The following MIOS variants were observed in gnomAD, a reference collection of about 807,000 sequenced individuals.
MIOS encodes meiosis regulator for oocyte development.
A neutral mutation model predicts 96.9 loss-of-function variants in MIOS; 52 were observed. The ratio of observed to expected loss-of-function variants is 0.54; its 90% CI spans 0.43 to 0.68. MIOS has a LOEUF of 0.68. Among genes scored for constraint, MIOS ranks in the 30% least tolerant of loss-of-function variants. The probability of loss-of-function intolerance (pLI) is 0.00; values close to 1 mark genes in which losing one functional copy is unlikely to be tolerated. For missense variants in MIOS, 1,005 were observed against 1,052.8 expected (o/e 0.95, Z 0.63); for synonymous variants, 397 against 359.5 (o/e 1.10, Z -1.18).
chr7:7,583,987 C>T (rs1783808944), intron 6 of MIOS, among the ~76,000 whole-genome samples: 1 of 151,970 alleles, frequency 6.6e-6, no homozygotes, highest in Non-Finnish European at 1.5e-5. Context: ...AATACAAAAC[C>T]TCAGGGGTTT....
In MIOS at chr7:7,585,794, G is replaced by A. The variant is rs759189810; in HGVS notation, c.1807G>A (p.Asp603Asn). The A allele has an allele frequency of 2.1e-5, 34 of 1,605,076 alleles. No individual in the cohort carries two copies. Among genetic ancestry groups the A allele is most frequent in the Non-Finnish European group, 2.6e-5 (31 of 1,176,406 alleles). Residue 603 changes from aspartate to asparagine, a missense_variant, in exon 7 of 13, where the codon GAT (aspartate) becomes AAT (asparagine). Around this residue, in one of 3 missense-constraint regions of MIOS, gnomAD observed 865 missense variants for 887.9 expected, o/e 0.97. Transcript: ENST00000340080. Reference protein sequence around the residue: ...AFLTSETGSYDGVLYENKVAV... With the variant: ...AFLTSETGSYNGVLYENKVAV... ...TCTGACAAGTGAAACAGGATCTTAC[G>A]ATGGAGTTTTGGTAAGCTAACTTGT...
chr7:7,576,448 G>T (rs376792328), intron 5 of MIOS, among the ~76,000 whole-genome samples: 38 of 152,288 alleles, frequency 2.5e-4, no homozygotes, highest in African/African-American at 7.9e-4. Context: ...TCCTAATCTG[G>T]TTGCAGGGAT....
In MIOS at chr7:7,606,111, G is replaced by C. The variant is rs762787469; in HGVS notation, c.2531+40G>C. 7.5e-6 allele frequency: 12 copies of C among 1,608,948 alleles called. No individual in the cohort carries two copies. The Admixed American group carries it at 1.8e-4, about 25-fold the overall frequency. ...TCTTCTTTGATAGGCTTGGAGTTAT[G>C]GGGGATAACACAGATTGCTTCTAAA... On this transcript the variant is annotated intron_variant, in intron 12 of 12. Coordinates refer to ENST00000340080, the MANE Select transcript of MIOS (RefSeq NM_019005.4).
intron 5 of MIOS, among the ~76,000 whole-genome samples, chr7:7,582,247 A>G (rs1264605368): frequency 6.6e-6 from 1 of 152,250 alleles, no homozygotes; most frequent in Non-Finnish European, 1.5e-5. Flanking sequence ...TGCCTAATTC[A>G]TAATTTAGTT....
At chr7:7,581,329 A>G (rs1240756117) in intron 5 of MIOS, among the ~76,000 whole-genome samples, 1 of 152,112 alleles carries the variant, frequency 6.6e-6, no homozygotes, top group Non-Finnish European at 1.5e-5. Context: ...AATTTTATAT[A>G]TGTAATTTAA....
chr7:7,582,287 ATAAT>A (rs1372739368), intron 5 of MIOS, among the ~76,000 whole-genome samples: 1 of 152,232 alleles, frequency 6.6e-6, no homozygotes, highest in East Asian at 1.9e-4. Context: ...GTTAAAAAAC[ATAAT>A]TATATAATGA....
chr7:7,589,369 CAG>C, intron 8 of MIOS, 34 bp from the exon 9 acceptor site: 1 of 1,591,214 alleles, frequency 6.3e-7, no homozygotes, highest in Non-Finnish European at 8.6e-7. Context: ...CATAGTGAAA[CAG>C]ATTGCTTTAG....
chr7:7,585,273 C>T (rs1233659054), intron 6 of MIOS, among the ~76,000 whole-genome samples: 1 of 152,008 alleles, frequency 6.6e-6, no homozygotes, highest in African/African-American at 2.4e-5. Flanking sequence ...TAAGACCCTG[C>T]CTGGATTGAG....
chr7:7,574,988 C>T (rs1217637471), intron 5 of MIOS, among the ~76,000 whole-genome samples: 3 of 151,984 alleles, frequency 2.0e-5, no homozygotes, highest in East Asian at 1.9e-4. Flanking sequence ...CAAAATGCTC[C>T]GATGAGCATT....
intron 5 of MIOS, among the ~76,000 whole-genome samples, chr7:7,574,960 C>G (rs1783481764): frequency 1.3e-5 from 2 of 152,018 alleles, no homozygotes; most frequent in Admixed American, 6.6e-5. Flanking sequence ...AGAGATTGAC[C>G]ATCCCTATTC....
chr7:7,600,010 G>C (rs1396922991), intron 11 of MIOS, among the ~76,000 whole-genome samples: 1 of 151,914 alleles, frequency 6.6e-6, no homozygotes, highest in East Asian at 1.9e-4. Context: ...CAGACACCAG[G>C]GCTTACTGGA....
chr7:7,575,565 G>T (rs555110969), intron 5 of MIOS, among the ~76,000 whole-genome samples: 98 of 152,158 alleles, frequency 6.4e-4, no homozygotes, highest in African/African-American at 2.2e-3. Context: ...TAGAGCCATT[G>T]CCTATTGCTA....
At chr7:7,591,925 C>T (rs546024490) in intron 9 of MIOS, among the ~76,000 whole-genome samples, 59 of 152,008 alleles carry the variant, frequency 3.9e-4, no homozygotes, top group African/African-American at 1.4e-3. Flanking sequence ...TCGTAGGTGC[C>T]TGAGGCTCTA....
chr7:7,597,468 TTATATATATATA>T (rs1160646084), intron 11 of MIOS, among the ~76,000 whole-genome samples: 7 of 11,694 alleles, frequency 6.0e-4, no homozygotes, highest in African/African-American at 3.2e-3. Flanking sequence ...CCTAGTAAAT[TTATATATATATA>T]TATATATATA....
chr7:7,590,009 A>G (rs1425945378), intron 9 of MIOS, among the ~76,000 whole-genome samples: 2 of 152,080 alleles, frequency 1.3e-5, no homozygotes, highest in Non-Finnish European at 2.9e-5. Context: ...ATTTATCCAT[A>G]TTTTCTCAAT....
At position 7,589,467 on chromosome 7, in the gene MIOS, T is replaced by C; in HGVS notation, c.1947T>C (p.Ile649=). The change falls in exon 9 of 13, where the codon ATT becomes ATC. Residue 649 remains isoleucine, a synonymous_variant. Transcript: ENST00000340080. The stretch of plus-strand genomic sequence containing the variant: ...AAGAGGCTGGAAATTTGGAAGGAAT[T>C]TTGCTTACAGGCCTTACTAAAGATG... ...EMKEAGNLEG[I]LLTGLTKDGV... is the part of the protein sequence containing the mutation. 1 of 1,613,656 alleles carries C rather than the reference T, an allele frequency of 6.2e-7. No individual in the cohort carries two copies. The highest frequency in any genetic ancestry group is 8.5e-7 in the Non-Finnish European group (1 of 1,179,742).
chr7:7,596,777 T>G (rs1302261309), intron 11 of MIOS, among the ~76,000 whole-genome samples: 1 of 152,214 alleles, frequency 6.6e-6, no homozygotes, highest in Non-Finnish European at 1.5e-5. Context: ...TCGTTCAAAT[T>G]TGATTATTTA....
intron 9 of MIOS, among the ~76,000 whole-genome samples, chr7:7,594,311 C>CTTT (rs35612249): frequency 6.8e-6 from 1 of 147,898 alleles, no homozygotes; most frequent in East Asian, 2.0e-4. Context: ...TGCATTTGGA[C>CTTT]TTTTTTTTTT....
At chr7:7,568,413 T>A (rs1783226963) in intron 3 of MIOS, among the ~76,000 whole-genome samples, 1 of 152,210 alleles carries the variant, frequency 6.6e-6, no homozygotes, top group East Asian at 1.9e-4. Flanking sequence ...TAGATTGTTT[T>A]CTTTACACCA....
Sources: gnomAD v4.1 joint callset for allele counts (sites outside exome capture counted in the v4.1 genomes callset) on GRCh38, gnomAD v4.1.1 for gene constraint, gnomAD v4.1.1 regional missense constraint, MANE v1.5 for transcripts, NCBI Gene and HGNC (gene_info 2026-07-23, HGNC 2026-07-21) for gene names.